The following RARA variants were observed in gnomAD, a reference collection of about 807,000 sequenced individuals.
The protein encoded by RARA is PML-DDX5-RARA fusion.
RARA carries 5 observed loss-of-function variants against 42.8 expected under a neutral mutation model. That is an observed-to-expected ratio of 0.12 (90% CI 0.06 to 0.25). The LOEUF (loss-of-function observed/expected upper bound fraction) is 0.25, where lower values mean the gene tolerates loss of function less well. Among genes scored for constraint, RARA ranks in the 10% least tolerant of loss-of-function variants. RARA has a pLI of 1.00. For missense variants in RARA, 402 were observed against 628.7 expected (o/e 0.64, Z 3.86); for synonymous variants, 256 against 259.5 (o/e 0.99, Z 0.13).
At chr17:40,323,266 C>T (rs948947407) in intron 1 of RARA, 4 of 152,450 alleles carry the variant, frequency 2.6e-5, no homozygotes, top group Admixed American at 2.6e-4. Flanking sequence ...CTTTGTGAGT[C>T]TGACTGATTT....
chr17:40,348,548 G>T, intron 3 of RARA, 84 bp downstream of exon 3: 1 of 1,461,580 alleles, frequency 6.8e-7, no homozygotes, highest in Non-Finnish European at 9.1e-7. Context: ...GTGTGCAGTT[G>T]GGGGGTGTCC....
Position 40,348,767 on chromosome 17 carries a change from T to TTCAGGCAG in RARA, c.327+303_327+304insTCAGGCAG. 1.6e-5 allele frequency: 4 copies of TTCAGGCAG among 249,168 alleles called. No homozygotes were observed. The South Asian group carries it at 4.0e-4, about 25-fold the overall frequency. The allele number at this position is 249,168 out of a possible 1,614,324, so 15.4% of individuals were successfully genotyped here. A position where few individuals can be genotyped will look rare whatever the true frequency, so the allele number is the denominator to read the frequency against. On this transcript the variant is annotated intron_variant, in intron 3 of 8. Coordinates refer to ENST00000254066, the MANE Select transcript of RARA (RefSeq NM_000964.4). ...CGCTGCCCAGGTTGCCATGGTGAGC[T>TTCAGGCAG]GGCTGCCGACTGGCTCTTGGCTGGG... is the stretch of plus-strand genomic sequence containing the variant.
chr17:40,333,445 C>T (rs2033758368), intron 2 of RARA, among the ~76,000 whole-genome samples: 1 of 151,728 alleles, frequency 6.6e-6, no homozygotes, highest in South Asian at 2.1e-4. Flanking sequence ...CAGCGATTCT[C>T]ATGCCTCATC....
intron 1 of RARA, among the ~76,000 whole-genome samples, chr17:40,310,756 C>G (rs1167973882): frequency 6.6e-6 from 1 of 152,088 alleles, no homozygotes; most frequent in Non-Finnish European, 1.5e-5. Flanking sequence ...GTAAAAATGG[C>G]TATCAGTAGC....
At chr17:40,349,982 T>A (rs763812777) in intron 4 of RARA, 57 bp downstream of exon 4, 15 of 1,598,496 alleles carry the variant, frequency 9.4e-6, no homozygotes, top group Non-Finnish European at 1.3e-5. Context: ...CAGATGCTCC[T>A]AAAGACCAAG....
intron 2 of RARA, among the ~76,000 whole-genome samples, chr17:40,332,573 C>T (rs930032929): frequency 1.3e-5 from 2 of 152,196 alleles, no homozygotes; most frequent in South Asian, 2.1e-4. Context: ...CCTCACTGCC[C>T]GCACTGGCTG....
intron 3 of RARA, 111 bp downstream of exon 3, chr17:40,348,575 T>C (rs1042838737): frequency 2.0e-5 from 27 of 1,367,628 alleles, no homozygotes; most frequent in Non-Finnish European, 2.5e-5. Flanking sequence ...TTGCTGCTCT[T>C]CTTTCTCTGT....
At chr17:40,347,799 G>C (rs915366123) in intron 2 of RARA, among the ~76,000 whole-genome samples, 3 of 151,442 alleles carry the variant, frequency 2.0e-5, no homozygotes, top group Admixed American at 6.6e-5. Context: ...TGGAGGAGGG[G>C]CAGTGGCTGC....
At chr17:40,341,618 G>C (rs2034044751) in intron 2 of RARA, 1 of 1,351,960 alleles carries the variant, frequency 7.4e-7, no homozygotes, top group African/African-American at 1.5e-5. Context: ...GGGCAGCGGT[G>C]GGTGGGTCAC....
At chr17:40,346,318 C>T (rs2034264075) in intron 2 of RARA, among the ~76,000 whole-genome samples, 1 of 152,014 alleles carries the variant, frequency 6.6e-6, no homozygotes, top group South Asian at 2.1e-4. Flanking sequence ...ACCCCCAAAG[C>T]TCCCTCAGTC....
chr17:40,313,498 C>T (rs987266933), intron 1 of RARA, among the ~76,000 whole-genome samples: 8 of 152,168 alleles, frequency 5.3e-5, no homozygotes, highest in Non-Finnish European at 1.0e-4. Context: ...TGCTGCACAG[C>T]TGCAGGGGGA....
At chr17:40,330,494 C>T (rs776896058) in intron 1 of RARA, among the ~76,000 whole-genome samples, 1 of 152,140 alleles carries the variant, frequency 6.6e-6, no homozygotes, top group Non-Finnish European at 1.5e-5. Context: ...CCCCAGCACA[C>T]GTTCTCTGCA....
intron 2 of RARA, among the ~76,000 whole-genome samples, chr17:40,335,268 T>C (rs914268580): frequency 3.9e-5 from 6 of 152,028 alleles, no homozygotes; most frequent in African/African-American, 1.5e-4. Flanking sequence ...TGGTCTTTCG[T>C]TTGGGTTCTT....
At position 40,354,510 on chromosome 17, in the gene RARA, G is replaced by A. The variant is rs189363220; in HGVS notation, c.1012+4G>A. ...GCCATCTGCCTCATCTGCGGAGGTGGGCAGGGGGCCTGGGTCTGGGGGCTG... is the reference window on the plus strand; with the variant it reads ...GCCATCTGCCTCATCTGCGGAGGTGAGCAGGGGGCCTGGGTCTGGGGGCTG... On this transcript the variant is annotated splice_donor_region_variant and intron_variant, in intron 7 of 8. Transcript: ENST00000254066. The surrounding 1 kb of genome is among the most constrained non-coding windows in gnomAD (Gnocchi z 4.5). The A allele has an allele frequency of 2.5e-6, 4 of 1,613,074 alleles. No homozygotes were observed. The highest frequency in any genetic ancestry group is 3.4e-6 in the Non-Finnish European group (4 of 1,179,932).
chr17:40,351,133 C>T lies in RARA; in HGVS notation c.470-777C>T, dbSNP rs536385463. On this transcript the variant is annotated intron_variant, in intron 4 of 8. Transcript: ENST00000254066. The surrounding 1 kb of genome is among the most constrained non-coding windows in gnomAD (Gnocchi z 4.1). ...TTCCCAAATTATCCCCCCACTCTCCCTCTCCCTCTCCCTTCTCTCCCCTGC... is the reference window on the plus strand; with the variant it reads ...TTCCCAAATTATCCCCCCACTCTCCTTCTCCCTCTCCCTTCTCTCCCCTGC... 4.7e-5 allele frequency among the ~76,000 whole-genome samples: 7 copies of T among 148,728 alleles called. No homozygotes were observed. Among genetic ancestry groups the T allele is most frequent in the African/African-American group, 1.7e-4 (7 of 41,060 alleles).
intron 2 of RARA, chr17:40,340,990 A>C (rs2034014693): frequency 2.5e-6 from 1 of 400,354 alleles, no homozygotes; most frequent in Non-Finnish European, 4.4e-6. Context: ...AAATGACAAC[A>C]TATATAAAGA....
At chr17:40,350,137 T>C in intron 4 of RARA, 1 of 650,796 alleles carries the variant, frequency 1.5e-6, no homozygotes, top group Non-Finnish European at 2.6e-6. Context: ...AGGTCTGTGC[T>C]CCGGGACCGT....
At chr17:40,353,354 C>T (rs1004682405) in intron 6 of RARA, among the ~76,000 whole-genome samples, 1 of 152,166 alleles carries the variant, frequency 6.6e-6, no homozygotes, top group Admixed American at 6.5e-5. Flanking sequence ...GAGCACTCTC[C>T]TTCCTGCTGT....
intron 1 of RARA, among the ~76,000 whole-genome samples, chr17:40,319,537 C>T (rs2143187683): frequency 6.6e-6 from 1 of 151,410 alleles, no homozygotes; most frequent in Admixed American, 6.6e-5. Flanking sequence ...ACCCCCCCAC[C>T]CCCTGCTGCT....
Sources: allele counts gnomAD v4.1 joint callset (sites outside exome capture counted in the v4.1 genomes callset), GRCh38; gene constraint gnomAD v4.1.1; non-coding constraint Gnocchi (gnomAD v3.1); transcripts MANE v1.5; gene names NCBI Gene and HGNC (gene_info 2026-07-23, HGNC 2026-07-21).